Variants in GALNT13 observed in about 807,000 individuals in gnomAD.
GALNT13 encodes the protein polypeptide N-acetylgalactosaminyltransferase 13.
GALNT13 carries 28 observed loss-of-function variants against 64.2 expected under a neutral mutation model. The observed-to-expected ratio is 0.44, with a 90% CI of 0.32 to 0.60. The LOEUF is 0.60. GALNT13 is among the 20% of genes least tolerant of loss of function. The probability of loss-of-function intolerance (pLI) is 0.05; values close to 1 mark genes in which losing one functional copy is unlikely to be tolerated. For synonymous variants in GALNT13, 214 were observed against 224.6 expected (o/e 0.95, Z 0.42); for missense variants, 577 against 669.8 (o/e 0.86, Z 1.53).
chr2:154,194,351 G>T (rs1380126577), intron 4 of GALNT13, among the ~76,000 whole-genome samples: 1 of 152,138 alleles, frequency 6.6e-6, no homozygotes, highest in Non-Finnish European at 1.5e-5. Context: ...GAGAGGTTGA[G>T]ACCAATTTTT....
chr2:153,154,031 T>A, the GALNT13 span, among the ~76,000 whole-genome samples: 5 of 152,294 alleles, frequency 3.3e-5, no homozygotes, highest in African/African-American at 1.2e-4. Flanking sequence ...TCCAAGAGCA[T>A]GGAATGTTTT....
the GALNT13 span, among the ~76,000 whole-genome samples, chr2:153,182,422 C>T: frequency 6.6e-6 from 1 of 152,140 alleles, no homozygotes; most frequent in African/African-American, 2.4e-5. Flanking sequence ...AGATATGAAC[C>T]AAAAGATATT....
At chr2:153,757,952 A>T in the GALNT13 span, among the ~76,000 whole-genome samples, 3 of 151,958 alleles carry the variant, frequency 2.0e-5, no homozygotes, top group African/African-American at 7.3e-5. Context: ...CATTCTGTTA[A>T]TTTTTTTCTT....
chr2:154,153,541 C>G (rs1684198693), intron 4 of GALNT13, among the ~76,000 whole-genome samples: 1 of 152,220 alleles, frequency 6.6e-6, no homozygotes, highest in South Asian at 2.1e-4. Context: ...GAGGTGGAGC[C>G]TACAGAGGCA....
chr2:154,321,537 A>G (rs910355660), intron 9 of GALNT13, among the ~76,000 whole-genome samples: 2 of 152,184 alleles, frequency 1.3e-5, no homozygotes, highest in African/African-American at 4.8e-5. Flanking sequence ...TCATAATTCA[A>G]TACTAGCAAT....
the GALNT13 span, among the ~76,000 whole-genome samples, chr2:153,419,495 G>T: frequency 6.6e-6 from 1 of 152,324 alleles, no homozygotes; most frequent in African/African-American, 2.4e-5. Context: ...ATGGCAAAAT[G>T]ATAGAGACAA....
the GALNT13 span, among the ~76,000 whole-genome samples, chr2:153,695,037 A>G: frequency 3.3e-5 from 5 of 152,190 alleles, no homozygotes; most frequent in Non-Finnish European, 5.9e-5. Flanking sequence ...ATGAAGTCCA[A>G]AGAAAACCAG....
Position 153,929,481 on chromosome 2 carries a change from C to A in GALNT13, c.-104-14913C>A, listed in dbSNP as rs77289764. On this transcript the variant is annotated intron_variant, in intron 2 of 12. Transcript: ENST00000392825. ...GAATAGTACACAAAAGGTAGTTTTT[C>A]AGTACTTAACTTCCTCATACCCTCC... is the stretch of plus-strand genomic sequence containing the variant. 5.5e-3 allele frequency among the ~76,000 whole-genome samples: 843 copies of A among 152,230 alleles called. 5 individuals are homozygous for A. The highest frequency in any genetic ancestry group is 8.4e-3 in the Non-Finnish European group (571 of 68,018).
the GALNT13 span, among the ~76,000 whole-genome samples, chr2:153,630,158 A>G: frequency 0.01 from 1,563 of 151,934 alleles, 24 homozygotes; most frequent in African/African-American, 0.036. Flanking sequence ...GTATATACCC[A>G]AAGGATTATA....
chr2:154,107,531 A>G (rs908817925), intron 3 of GALNT13, among the ~76,000 whole-genome samples: 4 of 150,448 alleles, frequency 2.7e-5, no homozygotes, highest in Admixed American at 6.7e-5. Context: ...TGGAGGTTGC[A>G]GTGAGCCGAG....
the GALNT13 span, among the ~76,000 whole-genome samples, chr2:153,425,061 T>G: frequency 6.6e-6 from 1 of 151,718 alleles, no homozygotes; most frequent in Non-Finnish European, 1.5e-5. Context: ...TACATGAAAA[T>G]AATATTATAT....
chr2:154,055,515 A>G (rs999023079), intron 3 of GALNT13, among the ~76,000 whole-genome samples: 1 of 152,132 alleles, frequency 6.6e-6, no homozygotes, highest in Admixed American at 6.5e-5. Flanking sequence ...GTAAGCAGGT[A>G]ATTATAAGAT....
the GALNT13 span, among the ~76,000 whole-genome samples, chr2:153,664,282 A>C: frequency 6.6e-6 from 1 of 152,114 alleles, no homozygotes; most frequent in South Asian, 2.1e-4. Context: ...TTCCTTCCCC[A>C]GGGTTATTCC....
chr2:154,301,282 C>A, intron 8 of GALNT13, 127 bp from the exon 9 acceptor site: 1 of 751,872 alleles, frequency 1.3e-6, no homozygotes, highest in Non-Finnish European at 2.2e-6. Context: ...GTATAGTGTA[C>A]CAGTTCTAAA....
At chr2:153,995,446 C>G (rs1695458431) in intron 3 of GALNT13, among the ~76,000 whole-genome samples, 1 of 152,102 alleles carries the variant, frequency 6.6e-6, no homozygotes, top group Non-Finnish European at 1.5e-5. Flanking sequence ...ATTGTCATTT[C>G]TCTCAGGAGC....
the GALNT13 span, among the ~76,000 whole-genome samples, chr2:153,747,206 A>G: frequency 2.0e-5 from 3 of 152,102 alleles, no homozygotes; most frequent in Non-Finnish European, 4.4e-5. Flanking sequence ...CCTTTGTATT[A>G]CAAGCTATCC....
At chr2:153,675,435 A>G in the GALNT13 span, among the ~76,000 whole-genome samples, 1 of 152,208 alleles carries the variant, frequency 6.6e-6, no homozygotes, top group East Asian at 1.9e-4. Flanking sequence ...TCAGCAAACT[A>G]TCATAAGGAC....
At chr2:154,265,124 G>A (rs561113015) in intron 8 of GALNT13, among the ~76,000 whole-genome samples, 3 of 151,822 alleles carry the variant, frequency 2.0e-5, no homozygotes, top group Admixed American at 6.6e-5. Flanking sequence ...TGACCACCAT[G>A]TATTCTACAG....
intron 8 of GALNT13, among the ~76,000 whole-genome samples, chr2:154,293,464 T>G (rs1692753724): frequency 6.6e-6 from 1 of 152,154 alleles, no homozygotes; most frequent in Admixed American, 6.5e-5. Context: ...CCCTGAGAAA[T>G]TATGGCAATA....
Sources: allele counts gnomAD v4.1 joint callset (sites outside exome capture counted in the v4.1 genomes callset), GRCh38; gene constraint gnomAD v4.1.1; transcripts MANE v1.5; gene names NCBI Gene and HGNC (gene_info 2026-07-23, HGNC 2026-07-21).